KLHL1: variants seen among roughly 807,000 people sequenced by gnomAD.
KLHL1 encodes the protein kelch-like protein 1.
Under a neutral mutation model 77.7 loss-of-function variants are expected in KLHL1, and 47 were observed. The ratio of observed to expected loss-of-function variants is 0.60; its 90% confidence interval spans 0.48 to 0.77. The LOEUF (loss-of-function observed/expected upper bound fraction) is 0.77. Among genes scored for constraint, KLHL1 ranks in the 30% least tolerant of loss-of-function variants. KLHL1 has a pLI of 0.00. For missense variants in KLHL1, 925 were observed against 910.8 expected (o/e 1.02, Z -0.20); for synonymous variants, 360 against 325.2 (o/e 1.11, Z -1.15).
At chr13:69,974,718 T>G (rs1884491931) in intron 2 of KLHL1, among the ~76,000 whole-genome samples, 1 of 152,022 alleles carries the variant, frequency 6.6e-6, no homozygotes, top group Admixed American at 6.6e-5. Context: ...CAAGAATAGC[T>G]CTTACGCTGA....
At chr13:69,889,626 C>G (rs1881351842) in intron 4 of KLHL1, among the ~76,000 whole-genome samples, 1 of 151,862 alleles carries the variant, frequency 6.6e-6, no homozygotes, top group African/African-American at 2.4e-5. Context: ...CTTAATATTT[C>G]TGGGTCGCAC....
intron 1 of KLHL1, among the ~76,000 whole-genome samples, chr13:70,020,695 C>A (rs1232526621): frequency 6.6e-6 from 1 of 151,978 alleles, no homozygotes; most frequent in African/African-American, 2.4e-5. Flanking sequence ...CGGCTGAATG[C>A]ATTAAGTGGA....
intron 8 of KLHL1, among the ~76,000 whole-genome samples, chr13:69,739,459 A>T (rs891294124): frequency 8.5e-5 from 13 of 152,222 alleles, no homozygotes; most frequent in East Asian, 7.7e-4. Context: ...CAGAATGGCA[A>T]GCTGGATAGA....
chr13:69,700,952 A>G lies in KLHL1; in HGVS notation c.*750T>C, dbSNP rs1273238940. The G allele has an allele frequency of 6.6e-6, 1 of 152,368 alleles. No homozygotes were observed. Among genetic ancestry groups the G allele is most frequent in the African/African-American group, 2.4e-5 (1 of 41,444 alleles). The allele number at this position is 152,368 out of a possible 1,614,324, so 9.4% of individuals were successfully genotyped here. On this transcript the variant is annotated 3_prime_UTR_variant, in exon 11 of 11. Coordinates refer to ENST00000377844, the MANE Select transcript of KLHL1 (RefSeq NM_020866.3). ...ACTCAACATAAGGCAAAAGCCCAAT[A>G]ATTACACTGCATCTTTGGCTCAGTG... is the stretch of plus-strand genomic sequence containing the variant.
intron 7 of KLHL1, among the ~76,000 whole-genome samples, chr13:69,775,413 C>T (rs1270181947): frequency 1.3e-5 from 2 of 151,966 alleles, no homozygotes; most frequent in African/African-American, 4.8e-5. Context: ...ATGTCAATAC[C>T]TTTCAATTTA....
chr13:69,853,657 C>A (rs2911522), intron 5 of KLHL1, among the ~76,000 whole-genome samples: 1 of 151,940 alleles, frequency 6.6e-6, no homozygotes, highest in Non-Finnish European at 1.5e-5. Context: ...TGGTATTCAC[C>A]AGTGAATGTG....
At chr13:69,935,695 G>C (rs1883167015) in intron 4 of KLHL1, among the ~76,000 whole-genome samples, 1 of 152,122 alleles carries the variant, frequency 6.6e-6, no homozygotes, top group African/African-American at 2.4e-5. Context: ...TATGCTTAGT[G>C]TTGTCAAAAA....
intron 1 of KLHL1, among the ~76,000 whole-genome samples, chr13:70,018,202 T>C (rs1885707610): frequency 6.6e-6 from 1 of 152,228 alleles, no homozygotes; most frequent in Non-Finnish European, 1.5e-5. Context: ...ATTTTGCATA[T>C]GTTAATACAA....
chr13:69,984,324 T>C, intron 1 of KLHL1, among the ~76,000 whole-genome samples: 1 of 152,122 alleles, frequency 6.6e-6, no homozygotes, highest in Admixed American at 6.6e-5. Flanking sequence ...ACTGGAATCT[T>C]GCACAGGTGA....
chr13:69,952,737 G>A (rs1883749682), intron 3 of KLHL1, among the ~76,000 whole-genome samples: 1 of 151,312 alleles, frequency 6.6e-6, no homozygotes, highest in African/African-American at 2.4e-5. Context: ...TAAAATTAAA[G>A]TGCTTCGTGT....
intron 6 of KLHL1, among the ~76,000 whole-genome samples, chr13:69,824,040 T>C (rs2138082887): frequency 6.6e-6 from 1 of 152,136 alleles, no homozygotes; most frequent in African/African-American, 2.4e-5. Flanking sequence ...GAGAGTATGT[T>C]TGTATTTCTG....
chr13:69,791,642 C>T lies in KLHL1; in HGVS notation c.1639+5096G>A, dbSNP rs141149260. On this transcript the variant is annotated intron_variant, in intron 7 of 10. Transcript: ENST00000377844. ...CAAAAATAAACCCTCACAGTTATGGCCAATTGATTTTTGACAAGGGTGCCA... is the reference window on the plus strand; with the variant it reads ...CAAAAATAAACCCTCACAGTTATGGTCAATTGATTTTTGACAAGGGTGCCA... 8.3e-4 allele frequency among the ~76,000 whole-genome samples: 126 copies of T among 152,180 alleles called. 1 individual carries two copies. The highest frequency in any genetic ancestry group is 2.9e-3 in the African/African-American group (122 of 41,530).
At chr13:70,094,532 C>T (rs1887744260) in intron 1 of KLHL1, among the ~76,000 whole-genome samples, 1 of 151,742 alleles carries the variant, frequency 6.6e-6, no homozygotes. Flanking sequence ...ATAAAAAATT[C>T]CTATTCTTTC....
intron 5 of KLHL1, among the ~76,000 whole-genome samples, chr13:69,845,669 A>C (rs1319158823): frequency 3.3e-5 from 5 of 151,646 alleles, no homozygotes; most frequent in African/African-American, 1.2e-4. Flanking sequence ...CTGTATTTCT[A>C]TAACTTATAC....
intron 1 of KLHL1, among the ~76,000 whole-genome samples, chr13:69,980,277 A>G (rs1349354847): frequency 2.6e-5 from 4 of 152,196 alleles, no homozygotes; most frequent in Non-Finnish European, 5.9e-5. Flanking sequence ...ATAAGAAAAA[A>G]TGTACAACAA....
rs79162584 is a variant in KLHL1 at position 69,949,608 on chromosome 13, C to A, written c.818-9372G>T. On this transcript the variant is annotated intron_variant, in intron 3 of 10. Coordinates refer to ENST00000377844, the MANE Select transcript of KLHL1 (RefSeq NM_020866.3). ...AGTCCCTATGCACAGCCTACACTTA[C>A]GGAGGGGGGAGTTGTACTCTATCTC... 7.7e-3 allele frequency among the ~76,000 whole-genome samples: 1,175 copies of A among 151,808 alleles called. 9 individuals are homozygous for A. Among genetic ancestry groups the A allele is most frequent in the East Asian group, 0.034 (174 of 5,156 alleles).
chr13:69,949,481 T>C (rs1434322453), intron 3 of KLHL1, among the ~76,000 whole-genome samples: 2 of 151,852 alleles, frequency 1.3e-5, no homozygotes, highest in Non-Finnish European at 1.5e-5. Context: ...GACTTATCAC[T>C]GGTGATAGTC....
intron 1 of KLHL1, among the ~76,000 whole-genome samples, chr13:70,036,344 T>G (rs1886237871): frequency 6.6e-6 from 1 of 152,008 alleles, no homozygotes; most frequent in South Asian, 2.1e-4. Context: ...AAGAAATTCA[T>G]GTTCATATAT....
intron 6 of KLHL1, 77 bp downstream of exon 6, chr13:69,838,899 G>C (rs941854491): frequency 3.4e-6 from 3 of 889,792 alleles, no homozygotes; most frequent in Non-Finnish European, 4.8e-6. Flanking sequence ...ATTTTTTGTA[G>C]TATCACCATT....
Sources: allele counts gnomAD v4.1 joint callset (sites outside exome capture counted in the v4.1 genomes callset), GRCh38; gene constraint gnomAD v4.1.1; transcripts MANE v1.5; gene names NCBI Gene and HGNC (gene_info 2026-07-23, HGNC 2026-07-21).